The following DOCK9 variants were observed in gnomAD, a reference collection of about 807,000 sequenced individuals.
The protein encoded by DOCK9 is dedicator of cytokinesis protein 9.
A neutral mutation model predicts 263.3 loss-of-function variants in DOCK9; 89 were observed. The observed-to-expected ratio is 0.34, with a 90% confidence interval of 0.28 to 0.40. DOCK9 has a LOEUF of 0.40. Among genes scored for constraint, DOCK9 ranks in the 10% least tolerant of loss-of-function variants. DOCK9 has a pLI of 1.00. For missense variants in DOCK9, 2,140 were observed against 2,603.4 expected, an observed-to-expected ratio of 0.82 and a Z score of 3.87; for synonymous variants, 976 against 973.1, an observed-to-expected ratio of 1.00 and a Z score of -0.06.
At chr13:98,928,690 G>A (rs1338909453) in intron 3 of DOCK9, among the ~76,000 whole-genome samples, 1 of 152,204 alleles carries the variant, frequency 6.6e-6, no homozygotes, top group African/African-American at 2.4e-5. Flanking sequence ...GTTGCATGGT[G>A]ACAGTAGCCA....
In DOCK9 at chr13:99,038,290, T is replaced by G. The variant is rs201868851; in HGVS notation, c.129+47933A>C. ...TGAAAAACTGGCTTTATGCCCCCCTTTTTTTTTTTTTTTTTTTTTTTTTTT... is the reference window on the plus strand; with the variant it reads ...TGAAAAACTGGCTTTATGCCCCCCTGTTTTTTTTTTTTTTTTTTTTTTTTT... On this transcript the variant is annotated intron_variant, in intron 1 of 32. Coordinates refer to the DOCK9 transcript ENST00000427887. 4.6e-3 allele frequency among the ~76,000 whole-genome samples: 124 copies of G among 26,996 alleles called. 3 individuals carry two copies. Among genetic ancestry groups the G allele is most frequent in the East Asian group, 0.012 (6 of 520 alleles). The allele number at this position is 26,996 out of a possible 152,430, so 17.7% of individuals were successfully genotyped here.
At chr13:98,903,190 C>T (rs1166188991) in intron 10 of DOCK9, 78 bp from the exon 11 acceptor site, 130 of 1,171,022 alleles carry the variant, frequency 1.1e-4, no homozygotes, top group Non-Finnish European at 1.0e-4. Flanking sequence ...CCAAAGGAAA[C>T]GGAATAAAAT....
intron 1 of DOCK9, among the ~76,000 whole-genome samples, chr13:99,028,628 T>A (rs1887025803): frequency 6.6e-6 from 1 of 152,192 alleles, no homozygotes; most frequent in South Asian, 2.1e-4. Context: ...TGTTGAAACT[T>A]ACCTCTACAA....
At chr13:98,974,665 G>A (rs1163231476) in intron 1 of DOCK9, among the ~76,000 whole-genome samples, 5 of 138,086 alleles carry the variant, frequency 3.6e-5, no homozygotes, top group South Asian at 2.5e-4. Flanking sequence ...CAGGAGAATC[G>A]CTTGAACTCA....
intron 1 of DOCK9, among the ~76,000 whole-genome samples, chr13:98,991,787 T>C (rs1879870234): frequency 6.6e-6 from 1 of 151,946 alleles, no homozygotes; most frequent in Non-Finnish European, 1.5e-5. Flanking sequence ...CTTTCCAATC[T>C]CCTTGGCAGT....
Position 98,930,201 on chromosome 13 carries a change from C to G in DOCK9, c.300G>C (p.Ala100=). The G allele has an allele frequency of 6.2e-7, 1 of 1,611,838 alleles. No individual in the cohort carries two copies. Among genetic ancestry groups the G allele is most frequent in the Non-Finnish European group, 8.5e-7 (1 of 1,179,004 alleles). ...RYICSTVPAK[A]EEEAQSLFVT... Reference sequence around the variant, plus strand: ...CAAACAAGCTCTGTGCTTCCTCTTCCGCCTTCGCAGGCACTGTTGAGCATA... The same window carrying G: ...CAAACAAGCTCTGTGCTTCCTCTTCGGCCTTCGCAGGCACTGTTGAGCATA... The change falls in exon 3 of 53, where the codon GCG becomes GCC. Residue 100 remains alanine (A), a synonymous_variant. Transcript: ENST00000682017.
intron 34 of DOCK9, 56 bp from the exon 35 acceptor site, chr13:98,853,578 CCCTTTT>C: frequency 1.6e-6 from 2 of 1,218,736 alleles, no homozygotes; most frequent in Non-Finnish European, 2.4e-6. Context: ...AAACGTGTTT[CCCTTTT>C]CTCCCTTGGA....
intron 1 of DOCK9, among the ~76,000 whole-genome samples, chr13:98,988,233 G>C (rs760448050): frequency 6.6e-6 from 1 of 151,956 alleles, no homozygotes; most frequent in Non-Finnish European, 1.5e-5. Flanking sequence ...ATTCATTTCG[G>C]GAACAAAATA....
intron 48 of DOCK9, 116 bp downstream of exon 48, chr13:98,807,545 G>A (rs1175558930): frequency 1.0e-5 from 10 of 981,796 alleles, no homozygotes; most frequent in South Asian, 3.8e-5. Context: ...TGCCACTCAC[G>A]GCCAACAATC....
chr13:99,027,050 C>T (rs979807218), intron 1 of DOCK9, among the ~76,000 whole-genome samples: 1 of 152,026 alleles, frequency 6.6e-6, no homozygotes, highest in Non-Finnish European at 1.5e-5. Flanking sequence ...GACGGAGTAT[C>T]ACTCTGTCGC....
chr13:99,082,564 TAAAA>T (rs200598443), intron 1 of DOCK9, among the ~76,000 whole-genome samples: 1,495 of 22,934 alleles, frequency 0.065, 19 homozygotes, highest in African/African-American at 0.2. Context: ...AATAAATAAA[TAAAA>T]AAAAACAGCT....
At chr13:99,034,014 T>A (rs1245498133) in intron 1 of DOCK9, among the ~76,000 whole-genome samples, 1 of 152,178 alleles carries the variant, frequency 6.6e-6, no homozygotes, top group East Asian at 1.9e-4. Flanking sequence ...AGCTGCTCCA[T>A]CTAGTGGATT....
At chr13:99,062,511 A>C (rs957370788) in intron 1 of DOCK9, among the ~76,000 whole-genome samples, 2 of 152,142 alleles carry the variant, frequency 1.3e-5, no homozygotes, top group African/African-American at 4.8e-5. Context: ...TAAGAGGAAA[A>C]CCATTTGGAT....
chr13:98,974,374 A>G (rs1167120189), intron 1 of DOCK9, among the ~76,000 whole-genome samples: 1 of 152,172 alleles, frequency 6.6e-6, no homozygotes, highest in African/African-American at 2.4e-5. Context: ...GCAGGGGACA[A>G]GACCCACCCA....
intron 1 of DOCK9, among the ~76,000 whole-genome samples, chr13:99,081,720 T>C (rs2042126798): frequency 6.6e-6 from 1 of 152,196 alleles, no homozygotes; most frequent in South Asian, 2.1e-4. Context: ...GTAAAATCCT[T>C]TCAGGAGCTC....
intron 2 of DOCK9, chr13:98,949,892 G>A: frequency 2.1e-6 from 1 of 480,714 alleles, no homozygotes; most frequent in Non-Finnish European, 4.1e-6. Context: ...CATGTATGAG[G>A]TCTCCCAGGC....
At chr13:98,844,893 G>A (rs2093342989) in intron 38 of DOCK9, among the ~76,000 whole-genome samples, 1 of 152,200 alleles carries the variant, frequency 6.6e-6, no homozygotes, top group Non-Finnish European at 1.5e-5. Flanking sequence ...TATTAGACAT[G>A]ATGGAAGGAT....
intron 1 of DOCK9, among the ~76,000 whole-genome samples, chr13:99,040,333 C>T (rs1888334579): frequency 6.6e-6 from 1 of 152,014 alleles, no homozygotes. Flanking sequence ...GTTACAGCAG[C>T]CCAAACTAAG....
At chr13:98,847,396 A>G (rs1422705191) in intron 37 of DOCK9, 1 of 152,240 alleles carries the variant, frequency 6.6e-6, no homozygotes, top group East Asian at 1.9e-4. Flanking sequence ...TCCAAAACTC[A>G]AATATAAAAT....
Sources: gnomAD v4.1 joint callset for allele counts (sites outside exome capture counted in the v4.1 genomes callset) on GRCh38, gnomAD v4.1.1 for gene constraint, MANE v1.5 for transcripts, NCBI Gene and HGNC (gene_info 2026-07-23, HGNC 2026-07-21) for gene names.